ALG5: variants seen among roughly 807,000 people sequenced by gnomAD.
The protein encoded by ALG5 is dolichyl-phosphate beta-glucosyltransferase.
ALG5 carries 26 observed loss-of-function variants against 51.8 expected under a neutral mutation model. The observed-to-expected ratio is 0.50, with a 90% CI of 0.37 to 0.70. The LOEUF is 0.70. Among genes scored for constraint, ALG5 ranks in the 30% least tolerant of loss-of-function variants. The pLI, the probability that ALG5 is intolerant of heterozygous loss-of-function variation, is 0.00. For synonymous variants in ALG5, 141 were observed against 136.1 expected (o/e 1.04, Z -0.25); for missense variants, 311 against 399.3 (o/e 0.78, Z 1.88).
chr13:36,950,329 A>G (rs1308199189), intron 9 of ALG5, among the ~76,000 whole-genome samples: 1 of 152,152 alleles, frequency 6.6e-6, no homozygotes, highest in Non-Finnish European at 1.5e-5. Context: ...AGGACTACAT[A>G]TGGTGAGGGC....
chr13:36,955,453 T>C (rs2058835229), intron 8 of ALG5, among the ~76,000 whole-genome samples: 1 of 151,754 alleles, frequency 6.6e-6, no homozygotes, highest in Non-Finnish European at 1.5e-5. Context: ...ACTGTAGTCA[T>C]GCAACAAGAA....
intron 4 of ALG5, among the ~76,000 whole-genome samples, chr13:36,989,957 T>C (rs887543055): frequency 6.6e-6 from 1 of 152,224 alleles, no homozygotes; most frequent in African/African-American, 2.4e-5. Context: ...TTAACACTGG[T>C]TAATGACTTT....
At chr13:36,968,280 T>G (rs1234482002) in intron 7 of ALG5, among the ~76,000 whole-genome samples, 2 of 152,212 alleles carry the variant, frequency 1.3e-5, no homozygotes, top group African/African-American at 4.8e-5. Flanking sequence ...GTTTCAGTGT[T>G]AACGCTAGTA....
At chr13:36,997,718 A>T (rs1212467946) in intron 1 of ALG5, among the ~76,000 whole-genome samples, 1 of 152,128 alleles carries the variant, frequency 6.6e-6, no homozygotes, top group East Asian at 1.9e-4. Context: ...AAAAAGAAGG[A>T]CCTTATCTGT....
At chr13:36,984,703 T>C (rs1328466788) in intron 6 of ALG5, among the ~76,000 whole-genome samples, 1 of 152,150 alleles carries the variant, frequency 6.6e-6, no homozygotes, top group Non-Finnish European at 1.5e-5. Flanking sequence ...AAACTAGAAT[T>C]TCAAGGCCTG....
chr13:36,963,422 G>A (rs1018614439), intron 8 of ALG5, among the ~76,000 whole-genome samples: 6 of 151,948 alleles, frequency 3.9e-5, no homozygotes, highest in Non-Finnish European at 5.9e-5. Context: ...CCTCAACAAC[G>A]AAAAATAGTA....
Position 36,995,452 on chromosome 13 carries a change from C to A in ALG5, c.211G>T (p.Val71Leu). ...CGTTTTTCTTCATTGTATGAAGGCA[C>A]AACGACAGAAAGTTGTTTGGTAGGT... The part of the protein sequence containing the change: ...DSPTKQLSVV[V>L]PSYNEEKRLP... The change falls in exon 2 of 10, where the codon GTG becomes TTG. Residue 71 changes from valine to leucine, a missense_variant. By Grantham distance (32) the Val-to-Leu change is conservative. Transcript: ENST00000239891. 6.2e-7 allele frequency: 1 copy of A among 1,612,884 alleles called. No individual in the cohort carries two copies. Among genetic ancestry groups the A allele is most frequent in the Non-Finnish European group, 8.5e-7 (1 of 1,179,758 alleles).
At position 36,949,755 on chromosome 13, in the gene ALG5, A is replaced by G. The variant is rs937267818; in HGVS notation, c.*187T>C. 1 of 429,244 alleles carries G rather than the reference A, an allele frequency of 2.3e-6. No individual in the cohort carries two copies. The highest frequency in any genetic ancestry group is 2.0e-5 in the African/African-American group (1 of 49,108). The allele number at this position is 429,244 out of a possible 1,614,324, so 26.6% of individuals were successfully genotyped here. ...AGAAAATCTGACTTTTTAAATAAAC[A>G]TCTTTTAAAAATCATTTATATCCAA... On this transcript the variant is annotated 3_prime_UTR_variant, in exon 10 of 10. Transcript: ENST00000239891.
At chr13:36,993,152 T>C (rs1469662881) in intron 4 of ALG5, among the ~76,000 whole-genome samples, 1 of 152,172 alleles carries the variant, frequency 6.6e-6, no homozygotes, top group Non-Finnish European at 1.5e-5. Context: ...CATCATACTA[T>C]TCAAAGTGCA....
chr13:36,966,286 A>C (rs1298131397), intron 7 of ALG5, among the ~76,000 whole-genome samples: 1 of 152,216 alleles, frequency 6.6e-6, no homozygotes, highest in African/African-American at 2.4e-5. Context: ...CATTTAAAAT[A>C]TTGAGTTCTT....
chr13:36,996,597 A>T (rs539942557), intron 1 of ALG5, among the ~76,000 whole-genome samples: 1 of 152,350 alleles, frequency 6.6e-6, no homozygotes, highest in Non-Finnish European at 1.5e-5. Flanking sequence ...ACTGCAATGG[A>T]TCAAACCATG....
intron 6 of ALG5, among the ~76,000 whole-genome samples, chr13:36,973,915 A>C (rs2058937881): frequency 6.6e-6 from 1 of 152,238 alleles, no homozygotes; most frequent in Non-Finnish European, 1.5e-5. Context: ...CTCTAGCAAC[A>C]GCAATTTGAA....
rs1470627974 is a variant in ALG5 at position 36,985,521 on chromosome 13, C to G, written c.561+106G>C. ...TACCATTTGTATAAGGATTTCATAC[C>G]AAAAACACTCAGTTTTTAAACTGAT... On this transcript the variant is annotated intron_variant, in intron 6 of 9. Coordinates refer to ENST00000239891, the MANE Select transcript of ALG5 (RefSeq NM_013338.5). 1.1e-5 allele frequency: 9 copies of G among 798,232 alleles called. No homozygotes were observed. In the Admixed American group the frequency reaches 1.4e-4, roughly 12 times the overall value. The allele number at this position is 798,232 out of a possible 1,614,324, so 49.4% of individuals were successfully genotyped here.
chr13:36,957,833 G>C (rs748396826), intron 8 of ALG5, among the ~76,000 whole-genome samples: 3 of 152,062 alleles, frequency 2.0e-5, no homozygotes, highest in Non-Finnish European at 1.5e-5. Flanking sequence ...CGAGAAGAGG[G>C]AAAGGAACTA....
intron 8 of ALG5, among the ~76,000 whole-genome samples, chr13:36,962,290 T>G (rs1258226211): frequency 2.6e-5 from 4 of 152,208 alleles, no homozygotes; most frequent in African/African-American, 7.2e-5. Context: ...TCTTTAGTCT[T>G]GATTTAAAGT....
intron 6 of ALG5, among the ~76,000 whole-genome samples, chr13:36,985,057 A>G (rs1325059696): frequency 2.7e-5 from 4 of 149,804 alleles, no homozygotes; most frequent in Non-Finnish European, 5.9e-5. Flanking sequence ...TCTCTTATTC[A>G]TTTTTTCCAG....
chr13:36,952,567 T>C lies in ALG5; in HGVS notation c.806A>G (p.Gln269Arg), dbSNP rs775814284. Residue 269 changes from glutamine (Q) to arginine (R), a missense_variant, in exon 9 of 10, where the codon CAG becomes CGG. Coordinates refer to ENST00000239891, the MANE Select transcript of ALG5 (RefSeq NM_013338.5). Reference protein sequence around the residue: ...AFDVELLYIAQFFKIPIAEIA... With the variant: ...AFDVELLYIARFFKIPIAEIA... The stretch of plus-strand genomic sequence containing the variant: ...TTCTGCTATTGGAATTTTAAAGAAC[T>C]GTGCTATGTACAGTAGTTCTACATC... The C allele has an allele frequency of 9.4e-6, 15 of 1,599,378 alleles. No homozygotes were observed. The highest frequency in any genetic ancestry group is 1.3e-5 in the Non-Finnish European group (15 of 1,174,628).
At chr13:36,965,427 A>C in intron 8 of ALG5, 148 bp downstream of exon 8, 3 of 803,990 alleles carry the variant, frequency 3.7e-6, no homozygotes, top group Non-Finnish European at 5.7e-6. Context: ...ACTCAGGAAA[A>C]GTATAAAGGC....
At chr13:36,971,258 G>T (rs189437066) in intron 7 of ALG5, among the ~76,000 whole-genome samples, 2 of 151,976 alleles carry the variant, frequency 1.3e-5, no homozygotes, top group East Asian at 3.9e-4. Context: ...GAGGAATGAG[G>T]TTAAAAAAAA....
Sources: allele counts gnomAD v4.1 joint callset (sites outside exome capture counted in the v4.1 genomes callset), GRCh38; gene constraint gnomAD v4.1.1; transcripts MANE v1.5; gene names NCBI Gene and HGNC (gene_info 2026-07-23, HGNC 2026-07-21).